Variants in FBLN5 observed in about 807,000 individuals in gnomAD.
FBLN5 encodes the protein fibulin-5.
In FBLN5, 24 loss-of-function variants were observed where a neutral mutation model predicts 61.6. That is an observed-to-expected ratio of 0.39 (90% CI 0.28 to 0.55). The LOEUF is 0.55. Ranked by LOEUF, FBLN5 falls within the 20% of genes least tolerant of loss-of-function variation. FBLN5 has a pLI of 0.65. For synonymous variants in FBLN5, 213 were observed against 219.8 expected (o/e 0.97, Z 0.27); for missense variants, 470 against 594.1 (o/e 0.79, Z 2.17).
chr14:91,929,281 T>C (rs1232072046), intron 4 of FBLN5, among the ~76,000 whole-genome samples: 5 of 152,192 alleles, frequency 3.3e-5, no homozygotes, highest in Non-Finnish European at 7.3e-5. Context: ...TATGTAAATA[T>C]CTGATTCTCT....
chr14:91,889,798 C>A (rs1303931380), intron 6 of FBLN5, among the ~76,000 whole-genome samples: 1 of 152,248 alleles, frequency 6.6e-6, no homozygotes, highest in Non-Finnish European at 1.5e-5. Flanking sequence ...GGTGCCGGGC[C>A]TGCTGCTTTA....
intron 4 of FBLN5, among the ~76,000 whole-genome samples, chr14:91,907,193 T>A (rs1890719145): frequency 6.6e-6 from 1 of 152,230 alleles, no homozygotes; most frequent in Non-Finnish European, 1.5e-5. Flanking sequence ...ATGTGCAATG[T>A]CCGGGTCATG....
chr14:91,930,516 G>A (rs1334307454), intron 4 of FBLN5, among the ~76,000 whole-genome samples: 2 of 152,126 alleles, frequency 1.3e-5, no homozygotes, highest in Non-Finnish European at 2.9e-5. Context: ...CTAAAGAATC[G>A]GTTTCATGGT....
chr14:91,874,110 A>C (rs1438459645), intron 10 of FBLN5: 5 of 152,392 alleles, frequency 3.3e-5, no homozygotes, highest in African/African-American at 9.7e-5. Context: ...GCATGTGTGC[A>C]TGCAAGTGTG....
intron 8 of FBLN5, among the ~76,000 whole-genome samples, chr14:91,881,730 C>T (rs528019341): frequency 1.3e-4 from 20 of 151,800 alleles, no homozygotes; most frequent in Non-Finnish European, 2.4e-4. Context: ...GAGTTCAAGA[C>T]CGGCCTGGGC....
intron 4 of FBLN5, among the ~76,000 whole-genome samples, chr14:91,900,321 ATATG>A (rs1890401455): frequency 6.6e-6 from 1 of 152,274 alleles, no homozygotes; most frequent in Admixed American, 6.5e-5. Context: ...AATAACATGC[ATATG>A]TATGATAGCT....
intron 4 of FBLN5, among the ~76,000 whole-genome samples, chr14:91,908,815 A>G (rs910883034): frequency 1.3e-5 from 2 of 152,162 alleles, no homozygotes; most frequent in South Asian, 2.1e-4. Flanking sequence ...ACCTAGCCCA[A>G]TGGTGTACAT....
In FBLN5 at chr14:91,937,152, C is replaced by G; in HGVS notation, c.174G>C (p.Met58Ile). 1.2e-6 allele frequency: 2 copies of G among 1,614,116 alleles called. No individual in the cohort carries two copies. Among genetic ancestry groups the G allele is most frequent in the Non-Finnish European group, 1.7e-6 (2 of 1,180,026 alleles). Residue 58 changes from methionine to isoleucine, a missense_variant, in exon 4 of 11, where the codon ATG (methionine) becomes ATC (isoleucine). Met to Ile is a conservative substitution (Grantham distance 10). Coordinates refer to ENST00000342058, the MANE Select transcript of FBLN5 (RefSeq NM_006329.4). The part of the protein sequence containing the change: ...TIPEACRGDM[M>I]CVNQNGGYLC... Reference sequence around the variant, plus strand: ...AATACCCGCCATTTTGGTTAACACACATCATGTCTCCTCGGCAGGCCTCGG... The same window carrying G: ...AATACCCGCCATTTTGGTTAACACAGATCATGTCTCCTCGGCAGGCCTCGG...
chr14:91,939,348 T>C (rs987020480), intron 3 of FBLN5, among the ~76,000 whole-genome samples: 2 of 150,940 alleles, frequency 1.3e-5, no homozygotes, highest in Non-Finnish European at 3.0e-5. Context: ...TTTTTTTTTT[T>C]TTTTTTTTTG....
chr14:91,874,876 G>A (rs1198928292), intron 10 of FBLN5: 6 of 152,408 alleles, frequency 3.9e-5, no homozygotes, highest in Admixed American at 1.3e-4. Context: ...CACCCAGGCT[G>A]GAGTGCAGTG....
In FBLN5 at chr14:91,937,155, C is replaced by G; in HGVS notation, c.171G>C (p.Met57Ile). The change falls in exon 4 of 11, where the codon ATG (methionine) becomes ATC (isoleucine). Residue 57 changes from methionine (M) to isoleucine (I), a missense_variant. By Grantham distance (10) the Met-to-Ile change is conservative (BLOSUM62 1). Transcript: ENST00000342058. ...ACCCGCCATTTTGGTTAACACACAT[C>G]ATGTCTCCTCGGCAGGCCTCGGGGA... Reference protein sequence around the residue: ...RTIPEACRGDMMCVNQNGGYL... With the variant: ...RTIPEACRGDIMCVNQNGGYL... 1 of 1,614,120 alleles carries G rather than the reference C, an allele frequency of 6.2e-7. No homozygotes were observed. The highest frequency in any genetic ancestry group is 8.5e-7 in the Non-Finnish European group (1 of 1,180,034).
intron 9 of FBLN5, among the ~76,000 whole-genome samples, chr14:91,880,221 C>T (rs61990135): frequency 2.4e-3 from 358 of 152,260 alleles, no homozygotes; most frequent in Middle Eastern, 6.8e-3. Context: ...TCAATATTCA[C>T]GGAGCAGTCC....
intron 4 of FBLN5, among the ~76,000 whole-genome samples, chr14:91,899,545 CCA>C (rs1305340742): frequency 6.6e-6 from 1 of 152,236 alleles, no homozygotes; most frequent in African/African-American, 2.4e-5. Flanking sequence ...CTTGAGACAT[CCA>C]CAGAGTGGCC....
chr14:91,883,837 C>G (rs890530973), intron 7 of FBLN5, among the ~76,000 whole-genome samples: 4 of 152,066 alleles, frequency 2.6e-5, no homozygotes, highest in Non-Finnish European at 5.9e-5. Context: ...GAGGGGAGCC[C>G]CTGTCCATGT....
intron 4 of FBLN5, among the ~76,000 whole-genome samples, chr14:91,908,423 A>G (rs1194177425): frequency 6.6e-6 from 1 of 152,158 alleles, no homozygotes; most frequent in East Asian, 1.9e-4. Flanking sequence ...TTAGGCTTCT[A>G]TCACCCTCTC....
At chr14:91,889,180 G>A (rs993623777) in intron 6 of FBLN5, among the ~76,000 whole-genome samples, 1 of 152,254 alleles carries the variant, frequency 6.6e-6, no homozygotes, top group Non-Finnish European at 1.5e-5. Flanking sequence ...CCGGGGACAG[G>A]AGGGGGTAGG....
intron 4 of FBLN5, among the ~76,000 whole-genome samples, chr14:91,914,085 G>A (rs1054650466): frequency 3.3e-5 from 5 of 152,208 alleles, no homozygotes; most frequent in Non-Finnish European, 5.9e-5. Flanking sequence ...GCTCATATCT[G>A]TAATCCTAGC....
At chr14:91,887,393 G>T in intron 6 of FBLN5, 81 bp from the exon 7 acceptor site, 1 of 1,420,422 alleles carries the variant, frequency 7.0e-7, no homozygotes, top group Non-Finnish European at 9.9e-7. Flanking sequence ...CACCAGCAAC[G>T]AAATCTACCA....
chr14:91,900,817 T>C (rs951746176), intron 4 of FBLN5, among the ~76,000 whole-genome samples: 1 of 152,038 alleles, frequency 6.6e-6, no homozygotes, highest in Non-Finnish European at 1.5e-5. Context: ...CCCGGGGAGG[T>C]GCTGTTTCTG....
Sources: gnomAD v4.1 joint callset for allele counts (sites outside exome capture counted in the v4.1 genomes callset) on GRCh38, gnomAD v4.1.1 for gene constraint, MANE v1.5 for transcripts, NCBI Gene and HGNC (gene_info 2026-07-23, HGNC 2026-07-21) for gene names.